Variants in KAZN observed in about 807,000 individuals in gnomAD.
KAZN encodes kazrin.
A neutral mutation model predicts 87.4 loss-of-function variants in KAZN; 40 were observed. The observed-to-expected ratio is 0.46, with a 90% CI of 0.36 to 0.60. KAZN has a LOEUF of 0.60. Ranked by LOEUF, KAZN falls within the 20% of genes least tolerant of loss-of-function variation. KAZN has a pLI of 0.00. For missense variants in KAZN, 898 were observed against 1,073.9 expected (o/e 0.84, Z 2.29); for synonymous variants, 466 against 458.3 (o/e 1.02, Z -0.22).
chr1:14,170,948 G>A (rs936021726), intron 1 of KAZN, among the ~76,000 whole-genome samples: 2 of 152,122 alleles, frequency 1.3e-5, no homozygotes, highest in Non-Finnish European at 2.9e-5. Context: ...TCCTGACCTC[G>A]TGATCCACCC....
At chr1:15,048,022 G>T (rs1428036855) in intron 4 of KAZN, among the ~76,000 whole-genome samples, 2 of 152,200 alleles carry the variant, frequency 1.3e-5, no homozygotes, top group Non-Finnish European at 2.9e-5. Flanking sequence ...TGCCACAGAG[G>T]TGGCAAAGCT....
At chr1:14,471,922 A>T (rs1331438880) in intron 2 of KAZN, among the ~76,000 whole-genome samples, 1 of 152,212 alleles carries the variant, frequency 6.6e-6, no homozygotes, top group East Asian at 1.9e-4. Context: ...TTAGTCTCTT[A>T]CCCGCTGCTA....
At position 15,020,132 on chromosome 1, in the gene KAZN, C is replaced by T. The variant is rs555160543; in HGVS notation, c.419-14617C>T. ...TGCCCTGCCTCACTGCTACCCCAGG[C>T]GGGTGTCTACTGACGTCATGGGGAC... On this transcript the variant is annotated intron_variant, in intron 2 of 14. Coordinates refer to ENST00000376030, the MANE Select transcript of KAZN (RefSeq NM_201628.3). Among the ~76,000 whole-genome samples the T allele has an allele frequency of 4.6e-5, 7 of 152,220 alleles. No individual in the cohort carries two copies. In the East Asian group the frequency reaches 9.7e-4, roughly 21 times the overall value.
At chr1:14,491,496 C>G (rs1039367599) in intron 2 of KAZN, among the ~76,000 whole-genome samples, 3 of 152,126 alleles carry the variant, frequency 2.0e-5, no homozygotes, top group African/African-American at 7.2e-5. Flanking sequence ...TATTCCCCTC[C>G]CTGTGTCCAT....
intron 1 of KAZN, among the ~76,000 whole-genome samples, chr1:14,752,355 A>T: frequency 6.6e-6 from 1 of 152,190 alleles, no homozygotes; most frequent in East Asian, 1.9e-4. Flanking sequence ...CGCATAAGGA[A>T]ACAGGCCCCA....
At chr1:14,003,421 C>T (rs943435287) in intron 1 of KAZN, among the ~76,000 whole-genome samples, 5 of 151,006 alleles carry the variant, frequency 3.3e-5, no homozygotes, top group Non-Finnish European at 7.4e-5. Flanking sequence ...ATCTAGCCAG[C>T]ACTTACACTT....
At chr1:14,305,482 G>A (rs555184123) in intron 2 of KAZN, among the ~76,000 whole-genome samples, 52 of 152,204 alleles carry the variant, frequency 3.4e-4, no homozygotes, top group Admixed American at 1.4e-3. Flanking sequence ...CGATCCTGCA[G>A]TCAAGATCAA....
At chr1:14,841,054 G>T (rs1269657969) in intron 1 of KAZN, among the ~76,000 whole-genome samples, 1 of 152,120 alleles carries the variant, frequency 6.6e-6, no homozygotes, top group East Asian at 1.9e-4. Flanking sequence ...AAGTGTAAAG[G>T]CTTCAGGTGC....
At position 13,923,489 on chromosome 1, in the gene KAZN, C is replaced by T. The variant is rs188578956; in HGVS notation, c.91+29733C>T. On this transcript the variant is annotated intron_variant, in intron 1 of 16. Transcript: ENST00000636203. ...TGGGGAGGCTGAGGCAGGAGAATGG[C>T]GTGAACCCGGGAGGCGGAGCTTGCA... Among the ~76,000 whole-genome samples, 396 of 146,860 alleles carry T rather than the reference C, an allele frequency of 2.7e-3. 4 individuals carry two copies. Among genetic ancestry groups the T allele is most frequent in the African/African-American group, 8.9e-3 (355 of 39,726 alleles).
intron 3 of KAZN, 97 bp from the exon 4 acceptor site, chr1:15,043,892 T>G (rs1673183240): frequency 1.6e-6 from 2 of 1,256,548 alleles, no homozygotes; most frequent in African/African-American, 3.0e-5. Context: ...ACCCCACTTC[T>G]TTTTCCATCT....
intron 1 of KAZN, among the ~76,000 whole-genome samples, chr1:14,851,935 AC>A (rs1649497686): frequency 6.6e-6 from 1 of 152,170 alleles, no homozygotes; most frequent in South Asian, 2.1e-4. Flanking sequence ...AGACATGGAG[AC>A]CCAGGTCCTC....
chr1:14,769,945 C>T lies in KAZN; in HGVS notation c.226+170722C>T, dbSNP rs1016738725. Reference sequence around the variant, plus strand: ...AGAGATCAGGGATGGCCCCTCTGAGCAGGTGATGGGTAAACTGAACCCTGG... The same window carrying T: ...AGAGATCAGGGATGGCCCCTCTGAGTAGGTGATGGGTAAACTGAACCCTGG... On this transcript the variant is annotated intron_variant, in intron 1 of 14. Coordinates refer to ENST00000376030, the MANE Select transcript of KAZN (RefSeq NM_201628.3). This position sits in a 1 kb window ranked among gnomAD's most constrained non-coding sequence, Gnocchi z 4.1. Among the ~76,000 whole-genome samples the T allele has an allele frequency of 1.3e-5, 2 of 152,282 alleles. No homozygotes were observed. The highest frequency in any genetic ancestry group is 4.1e-4 in the South Asian group (2 of 4,830).
At chr1:15,080,112 G>A (rs1235633531) in intron 8 of KAZN, among the ~76,000 whole-genome samples, 1 of 152,196 alleles carries the variant, frequency 6.6e-6, no homozygotes, top group Non-Finnish European at 1.5e-5. Flanking sequence ...AGTGTGGCAG[G>A]AGGGACTGAA....
chr1:14,580,989 C>T (rs191493120), intron 2 of KAZN, among the ~76,000 whole-genome samples: 3 of 152,184 alleles, frequency 2.0e-5, no homozygotes, highest in African/African-American at 7.2e-5. Context: ...ATGACCTTGA[C>T]CTCTAAATAT....
intron 2 of KAZN, among the ~76,000 whole-genome samples, chr1:14,335,202 T>TC (rs1657161609): frequency 7.0e-6 from 1 of 143,598 alleles, no homozygotes; most frequent in Admixed American, 6.8e-5. Context: ...TGTCCTCCTT[T>TC]CTTTTTTTTT....
At chr1:14,053,647 G>A (rs530105700) in intron 1 of KAZN, among the ~76,000 whole-genome samples, 6 of 152,284 alleles carry the variant, frequency 3.9e-5, no homozygotes, top group South Asian at 2.1e-4. Flanking sequence ...TACTTTTGCC[G>A]TTGTGGGCCT....
At chr1:14,871,539 G>A (rs967840344) in intron 1 of KAZN, among the ~76,000 whole-genome samples, 1 of 151,320 alleles carries the variant, frequency 6.6e-6, no homozygotes, top group Admixed American at 6.6e-5. Flanking sequence ...CAGTGCATCT[G>A]CAACAGGGGA....
chr1:15,033,053 A>G (rs1671890827), intron 2 of KAZN, among the ~76,000 whole-genome samples: 1 of 152,210 alleles, frequency 6.6e-6, no homozygotes, highest in South Asian at 2.1e-4. Flanking sequence ...CCAAAACAAT[A>G]CAGTATAACA....
chr1:14,345,206 C>A (rs557574927), intron 2 of KAZN, among the ~76,000 whole-genome samples: 1 of 152,074 alleles, frequency 6.6e-6, no homozygotes, highest in East Asian at 1.9e-4. Context: ...GCATGAGCCA[C>A]CACGCCAGGC....
Sources: gnomAD v4.1 joint callset for allele counts (sites outside exome capture counted in the v4.1 genomes callset) on GRCh38, gnomAD v4.1.1 for gene constraint, Gnocchi (gnomAD v3.1) non-coding constraint, MANE v1.5 for transcripts, NCBI Gene and HGNC (gene_info 2026-07-23, HGNC 2026-07-21) for gene names.